The following PHACTR3 variants were observed in gnomAD, a reference collection of about 807,000 sequenced individuals.
PHACTR3 encodes protein phosphatase 1, regulatory subunit 123.
In PHACTR3, 16 loss-of-function variants were observed where a neutral mutation model predicts 66.8. The observed-to-expected ratio is 0.24, with a 90% CI of 0.16 to 0.36. PHACTR3 has a LOEUF of 0.36. PHACTR3 is among the 10% of genes least tolerant of loss of function. The probability of loss-of-function intolerance (pLI) is 1.00; values close to 1 mark genes in which losing one functional copy is unlikely to be tolerated. For missense variants in PHACTR3, 647 were observed against 719.9 expected, an observed-to-expected ratio of 0.90 and a Z score of 1.16; for synonymous variants, 323 against 292.1, an observed-to-expected ratio of 1.11 and a Z score of -1.08.
intron 1 of PHACTR3, among the ~76,000 whole-genome samples, chr20:59,585,867 C>G (rs924919699): frequency 6.6e-6 from 1 of 152,236 alleles, no homozygotes; most frequent in Non-Finnish European, 1.5e-5. Context: ...CCTAATTTAG[C>G]AACATTATCT....
intron 7 of PHACTR3, among the ~76,000 whole-genome samples, chr20:59,778,866 A>G (rs575122778): frequency 2.6e-5 from 4 of 152,284 alleles, no homozygotes; most frequent in African/African-American, 9.6e-5. Flanking sequence ...TCTGTAAGTG[A>G]ACACGGATTT....
chr20:59,798,175 A>G (rs2041308106), intron 7 of PHACTR3, among the ~76,000 whole-genome samples: 1 of 152,190 alleles, frequency 6.6e-6, no homozygotes, highest in Non-Finnish European at 1.5e-5. Flanking sequence ...GTGTCCTTAC[A>G]TGACAAGAGA....
intron 4 of PHACTR3, 60 bp downstream of exon 4, chr20:59,755,424 G>T (rs2039751932): frequency 6.4e-7 from 1 of 1,554,376 alleles, no homozygotes; most frequent in Non-Finnish European, 8.7e-7. Flanking sequence ...CGTCCCCACT[G>T]TTGTCCTTGG....
intron 1 of PHACTR3, among the ~76,000 whole-genome samples, chr20:59,660,399 C>T (rs2035768657): frequency 1.3e-5 from 2 of 152,230 alleles, no homozygotes; most frequent in South Asian, 4.1e-4. Context: ...GAGGCTGAGG[C>T]AGGAGAATGG....
intron 8 of PHACTR3, among the ~76,000 whole-genome samples, chr20:59,812,465 A>G (rs753698398): frequency 3.3e-5 from 5 of 152,204 alleles, no homozygotes; most frequent in Non-Finnish European, 7.3e-5. Context: ...CACAGCGTGC[A>G]GCGAGTTTAG....
intron 7 of PHACTR3, among the ~76,000 whole-genome samples, chr20:59,778,538 C>T (rs935176988): frequency 6.6e-6 from 1 of 152,256 alleles, no homozygotes; most frequent in African/African-American, 2.4e-5. Context: ...TCTCACCCAA[C>T]CTTATTTCCC....
chr20:59,780,872 T>TCA (rs2040701605), intron 7 of PHACTR3, among the ~76,000 whole-genome samples: 1 of 152,174 alleles, frequency 6.6e-6, no homozygotes, highest in Non-Finnish European at 1.5e-5. Context: ...CTTATGAAGG[T>TCA]CAACAGGGGT....
rs1427259711 is a variant in PHACTR3, at chr20:59,605,009, G to C, written c.-6G>C. Reference sequence around the variant, plus strand: ...GCTCTAACTTGCCCCCGCGCCGGCCGGGCCCATGGCCGCGTCGGAGGACGG... The same window carrying C: ...GCTCTAACTTGCCCCCGCGCCGGCCCGGCCCATGGCCGCGTCGGAGGACGG... On this transcript the variant is annotated 5_prime_UTR_variant, in exon 1 of 13. Transcript: ENST00000371015. 1.1e-5 allele frequency: 15 copies of C among 1,316,708 alleles called. No individual in the cohort carries two copies. The highest frequency in any genetic ancestry group is 1.5e-5 in the African/African-American group (1 of 65,158). The allele number at this position is 1,316,708 out of a possible 1,614,324, so 81.6% of individuals were successfully genotyped here.
chr20:59,689,580 C>T (rs1212944301), intron 1 of PHACTR3, among the ~76,000 whole-genome samples: 13 of 152,156 alleles, frequency 8.5e-5, no homozygotes, highest in African/African-American at 2.9e-4. Flanking sequence ...TGTGTGGATT[C>T]TCCTGGAGTC....
chr20:59,687,424 TAGGGCGC>T (rs2146566993), intron 1 of PHACTR3, among the ~76,000 whole-genome samples: 1 of 152,182 alleles, frequency 6.6e-6, no homozygotes, highest in African/African-American at 2.4e-5. Flanking sequence ...AGAAGAAAGG[TAGGGCGC>T]AGGAAGTGTT....
intron 3 of PHACTR3, among the ~76,000 whole-genome samples, chr20:59,752,190 G>A (rs762990249): frequency 1.3e-5 from 2 of 152,216 alleles, no homozygotes; most frequent in East Asian, 1.9e-4. Flanking sequence ...ATGTCTGCAC[G>A]TGTGCACACA....
At chr20:59,622,981 C>CAAAAAAAAAAAAAAAAAAAAAA (rs71183177) in intron 1 of PHACTR3, among the ~76,000 whole-genome samples, 3,285 of 32,042 alleles carry the variant, frequency 0.1, 1,148 homozygotes, top group Non-Finnish European at 0.14. Context: ...CAGCTTTAAC[C>CAAAAAAAAAAAAAAAAAAAAAA]AAAAAAAAAA....
At chr20:59,708,238 T>G (rs11906354) in intron 1 of PHACTR3, among the ~76,000 whole-genome samples, 25,327 of 152,180 alleles carry the variant, frequency 0.17, 2,368 homozygotes, top group Admixed American at 0.22. Context: ...CACGTGCTAC[T>G]GTAGTGATCT....
intron 1 of PHACTR3, among the ~76,000 whole-genome samples, chr20:59,716,637 G>A (rs2038102191): frequency 6.6e-6 from 1 of 152,146 alleles, no homozygotes; most frequent in African/African-American, 2.4e-5. Context: ...AGATTCTCCA[G>A]TCCCCTAAGC....
In PHACTR3 at chr20:59,650,964, AAG is replaced by A. The variant is rs1317472477; in HGVS notation, c.118+45834_118+45835del. On this transcript the variant is annotated intron_variant, in intron 1 of 12. Transcript: ENST00000371015. ...TTTTTTTCTTGTGTCTTTTAACAAAAAGAAAACCTGATTTAAGCAAGATGTCA... is the reference window on the plus strand; with the variant it reads ...TTTTTTTCTTGTGTCTTTTAACAAAAAAAACCTGATTTAAGCAAGATGTCA... Among the ~76,000 whole-genome samples, 4 of 152,284 alleles carry A rather than the reference AAG, an allele frequency of 2.6e-5. No individual in the cohort carries two copies. The East Asian group carries it at 5.8e-4, about 22-fold the overall frequency.
At chr20:59,824,581 G>A (rs2042131948) in intron 8 of PHACTR3, among the ~76,000 whole-genome samples, 1 of 152,174 alleles carries the variant, frequency 6.6e-6, no homozygotes, top group African/African-American at 2.4e-5. Flanking sequence ...AGGCCCAATG[G>A]GCATTAAGGC....
At chr20:59,673,631 C>T (rs184457850) in intron 1 of PHACTR3, among the ~76,000 whole-genome samples, 110 of 152,272 alleles carry the variant, frequency 7.2e-4, no homozygotes, top group African/African-American at 2.6e-3. Flanking sequence ...CCTGGGGACC[C>T]TGCTATCCTG....
chr20:59,786,621 A>T (rs1408887995), intron 7 of PHACTR3, among the ~76,000 whole-genome samples: 1 of 152,170 alleles, frequency 6.6e-6, no homozygotes. Flanking sequence ...CCCTCTGTGC[A>T]GTTGACAGGT....
chr20:59,673,699 T>A (rs2036274294), intron 1 of PHACTR3, among the ~76,000 whole-genome samples: 1 of 152,178 alleles, frequency 6.6e-6, no homozygotes. Flanking sequence ...CTTGGGACTG[T>A]CTCTGGGCTG....
Sources: gnomAD v4.1 joint callset for allele counts (sites outside exome capture counted in the v4.1 genomes callset) on GRCh38, gnomAD v4.1.1 for gene constraint, MANE v1.5 for transcripts, NCBI Gene and HGNC (gene_info 2026-07-23, HGNC 2026-07-21) for gene names.